The following TARBP1 variants were observed in gnomAD, a reference collection of about 807,000 sequenced individuals.
The protein encoded by TARBP1 is tRNA (guanosine(18)-2'-O)-methyltransferase TARBP1.
TARBP1 carries 144 observed loss-of-function variants against 178.6 expected under a neutral mutation model. That is an observed-to-expected ratio of 0.81 (90% CI 0.70 to 0.93). The LOEUF is 0.93. Ranked by LOEUF, TARBP1 falls within the 40% of genes least tolerant of loss-of-function variation. The pLI is 0.00. For missense variants in TARBP1, 2,067 were observed against 2,011.7 expected, an observed-to-expected ratio of 1.03 and a Z score of -0.53; for synonymous variants, 787 against 781.0, an observed-to-expected ratio of 1.01 and a Z score of -0.13.
rs1666619877 is a variant in TARBP1 at position 234,450,316 on chromosome 1, C to T, written c.1861+112G>A. 6 of 764,978 alleles carry T rather than the reference C, an allele frequency of 7.8e-6. No homozygotes were observed. The Admixed American group carries it at 2.3e-4, about 29-fold the overall frequency. The allele number at this position is 764,978 out of a possible 1,614,324, so 47.4% of individuals were successfully genotyped here. A position where few individuals can be genotyped will look rare whatever the true frequency, so the allele number is the denominator to read the frequency against. Reference sequence around the variant, plus strand: ...TTTTACTGAAATACAAGTTTGGCATCAATAAATCATCATATATTTCGTAAA... The same window carrying T: ...TTTTACTGAAATACAAGTTTGGCATTAATAAATCATCATATATTTCGTAAA... On this transcript the variant is annotated intron_variant, in intron 10 of 29. Transcript: ENST00000040877.
Position 234,393,730 on chromosome 1 carries a change from G to A in TARBP1, c.4351C>T (p.Gln1451Ter), listed in dbSNP as rs1423358429. ...TTTCCAAGTCTGGCAGCACGATCCT[G>A]AAACAGGAGCTCCAGGTCTAAGTCG... ...VSDLDLELLF[Q>*]DRAARLGKSI... Residue 1451 changes from glutamine to a stop codon, truncating the protein, a stop_gained, in exon 27 of 30, where the codon CAG (glutamine) becomes TAG (stop). Transcript: ENST00000040877. LOFTEE classifies it high-confidence loss of function. 4 of 1,613,986 alleles carry A rather than the reference G, an allele frequency of 2.5e-6. No homozygotes were observed. Among genetic ancestry groups the A allele is most frequent in the South Asian group, 2.2e-5 (2 of 91,082 alleles).
At chr1:234,444,782 TCCTTCTAGAA>T (rs1413103930) in intron 12 of TARBP1, among the ~76,000 whole-genome samples, 1 of 152,094 alleles carries the variant, frequency 6.6e-6, no homozygotes, top group African/African-American at 2.4e-5. Flanking sequence ...CTATCAGTGC[TCCTTCTAGAA>T]CCTTCTAGAA....
chr1:234,427,277 T>C (rs1410866311), intron 19 of TARBP1, 40 bp downstream of exon 19: 3 of 1,419,984 alleles, frequency 2.1e-6, no homozygotes, highest in Non-Finnish European at 2.9e-6. Context: ...ATTTTTAGTA[T>C]CTCATTTATG....
At chr1:234,468,800 T>C (rs1392376544) in intron 3 of TARBP1, among the ~76,000 whole-genome samples, 1 of 151,792 alleles carries the variant, frequency 6.6e-6, no homozygotes, top group Non-Finnish European at 1.5e-5. Flanking sequence ...GCTGCTCCCA[T>C]CTCAGGGCTT....
At chr1:234,432,969 A>T (rs930732768) in intron 14 of TARBP1, among the ~76,000 whole-genome samples, 7 of 152,180 alleles carry the variant, frequency 4.6e-5, no homozygotes, top group African/African-American at 1.4e-4. Flanking sequence ...ATATTATATT[A>T]AGAGTATCAC....
intron 14 of TARBP1, 121 bp from the exon 15 acceptor site, chr1:234,430,422 A>G (rs1462533157): frequency 3.8e-6 from 3 of 780,114 alleles, no homozygotes; most frequent in African/African-American, 3.5e-5. Flanking sequence ...CTGCTCCTGA[A>G]TATCAGGAGA....
rs369827209 is a variant in TARBP1, at chr1:234,406,310, G to C, written c.3793-211C>G. On this transcript the variant is annotated intron_variant, in intron 23 of 29. Transcript: ENST00000040877. ...ACTCAAGGAAAAACACATTCTCCCA[G>C]CTCTAGTTTTCATTAATGCTGCAGT... is the stretch of plus-strand genomic sequence containing the variant. 272 of 556,190 alleles carry C rather than the reference G, an allele frequency of 4.9e-4. 2 individuals are homozygous for C. Among genetic ancestry groups the C allele is most frequent in the African/African-American group, 4.5e-3 (242 of 53,244 alleles). The allele number at this position is 556,190 out of a possible 1,614,324, so 34.5% of individuals were successfully genotyped here.
At chr1:234,455,100 C>G (rs1184063516) in intron 9 of TARBP1, among the ~76,000 whole-genome samples, 2 of 152,128 alleles carry the variant, frequency 1.3e-5, no homozygotes, top group Non-Finnish European at 2.9e-5. Flanking sequence ...GGACTCGCCC[C>G]TACAAGGAAG....
At chr1:234,441,352 G>A (rs1344377166) in intron 12 of TARBP1, among the ~76,000 whole-genome samples, 1 of 151,946 alleles carries the variant, frequency 6.6e-6, no homozygotes, top group Non-Finnish European at 1.5e-5. Context: ...TATATGGAAA[G>A]GTAAAGGAAC....
At chr1:234,410,421 T>A in intron 23 of TARBP1, 24 bp downstream of exon 23, 1 of 1,345,908 alleles carries the variant, frequency 7.4e-7, no homozygotes, top group Non-Finnish European at 1.0e-6. Flanking sequence ...ACAGTCAAGT[T>A]TAAATTCTTA....
chr1:234,429,823 A>T (rs1274524637), intron 15 of TARBP1, 146 bp from the exon 16 acceptor site: 1 of 1,000,616 alleles, frequency 1.0e-6, no homozygotes, highest in African/African-American at 1.6e-5. Context: ...CTATCTACCA[A>T]AAACTAAGGA....
At chr1:234,446,655 A>ATAATTATATAATTTCT (rs1191246420) in intron 12 of TARBP1, 148 bp downstream of exon 12, 4 of 304,628 alleles carry the variant, frequency 1.3e-5, no homozygotes, top group Non-Finnish European at 2.0e-5. Flanking sequence ...TTCTTAATAT[A>ATAATTATATAATTTCT]TAATTATATA....
intron 8 of TARBP1, 57 bp downstream of exon 8, chr1:234,459,173 T>G (rs1667587688): frequency 7.4e-7 from 1 of 1,352,620 alleles, no homozygotes; most frequent in Admixed American, 2.0e-5. Flanking sequence ...AACTCATTTC[T>G]GTACACCCAC....
chr1:234,407,179 T>A (rs1209674856), intron 23 of TARBP1: 1 of 152,234 alleles, frequency 6.6e-6, no homozygotes, highest in Non-Finnish European at 1.5e-5. Flanking sequence ...ATAACTCCCA[T>A]AGCCCTTGTT....
chr1:234,419,557 T>C (rs1183041286), intron 21 of TARBP1, among the ~76,000 whole-genome samples: 2 of 152,174 alleles, frequency 1.3e-5, no homozygotes, highest in African/African-American at 4.8e-5. Context: ...CTGCTAGCTT[T>C]CCTTTTTCTT....
intron 26 of TARBP1, 94 bp from the exon 27 acceptor site, chr1:234,393,931 AT>A (rs1659665028): frequency 2.1e-6 from 2 of 965,444 alleles, no homozygotes; most frequent in African/African-American, 1.7e-5. Flanking sequence ...AGAATGTGAA[AT>A]AATTTAGAAT....
intron 13 of TARBP1, among the ~76,000 whole-genome samples, chr1:234,434,115 C>T (rs959041086): frequency 6.6e-6 from 1 of 152,182 alleles, no homozygotes; most frequent in African/African-American, 2.4e-5. Flanking sequence ...TAACTCTTCA[C>T]TACTAAGCCT....
In TARBP1 at chr1:234,463,945, A is replaced by C. The variant is rs746531078; in HGVS notation, c.1302-11T>G. On this transcript the variant is annotated splice_polypyrimidine_tract_variant and intron_variant, in intron 5 of 29. Transcript: ENST00000040877. The stretch of plus-strand genomic sequence containing the variant: ...GGCTGGCCTGGGGACCTACAAACAG[A>C]GAGTGGGGAAAACAAATATTTAACA... 3 of 1,527,976 alleles carry C rather than the reference A, an allele frequency of 2.0e-6. No homozygotes were observed. The Admixed American group carries it at 6.3e-5, about 32-fold the overall frequency. The allele number at this position is 1,527,976 out of a possible 1,614,324, so 94.7% of individuals were successfully genotyped here.
intron 8 of TARBP1, among the ~76,000 whole-genome samples, chr1:234,458,638 T>C (rs1396144908): frequency 6.6e-6 from 1 of 152,226 alleles, no homozygotes; most frequent in Non-Finnish European, 1.5e-5. Flanking sequence ...CTGACCCCTG[T>C]AGTAAGCAAT....
Sources: allele counts gnomAD v4.1 joint callset (sites outside exome capture counted in the v4.1 genomes callset), GRCh38; gene constraint gnomAD v4.1.1; transcripts MANE v1.5; gene names NCBI Gene and HGNC (gene_info 2026-07-23, HGNC 2026-07-21).